CACNG2: variants seen among roughly 807,000 people sequenced by gnomAD.
CACNG2 encodes the protein voltage-dependent calcium channel gamma-2 subunit.
Under a neutral mutation model 25.9 loss-of-function variants are expected in CACNG2, and 3 were observed. The ratio of observed to expected loss-of-function variants is 0.12; its 90% confidence interval spans 0.05 to 0.30. The LOEUF is 0.30. CACNG2 is among the 10% of genes least tolerant of loss of function. The pLI is 1.00. For missense variants in CACNG2, 341 were observed against 432.5 expected, an observed-to-expected ratio of 0.79 and a Z score of 1.88; for synonymous variants, 167 against 173.3, an observed-to-expected ratio of 0.96 and a Z score of 0.29.
intron 1 of CACNG2, among the ~76,000 whole-genome samples, chr22:36,637,960 T>C (rs949446409): frequency 1.8e-4 from 27 of 151,528 alleles, no homozygotes; most frequent in African/African-American, 6.3e-4. Flanking sequence ...AGGTGGAGGT[T>C]GCAGTGAGCC....
intron 1 of CACNG2, among the ~76,000 whole-genome samples, chr22:36,621,577 A>T (rs992909330): frequency 6.6e-6 from 1 of 151,544 alleles, no homozygotes; most frequent in Non-Finnish European, 1.5e-5. Flanking sequence ...CTCAAAAAAA[A>T]AAAAAAGAAA....
chr22:36,645,863 G>T (rs1569039395), intron 1 of CACNG2, among the ~76,000 whole-genome samples: 2 of 152,180 alleles, frequency 1.3e-5, no homozygotes, highest in Admixed American at 1.3e-4. Context: ...AAGCAGCCAT[G>T]TGTATCCAAA....
intron 1 of CACNG2, among the ~76,000 whole-genome samples, chr22:36,687,186 C>T (rs1937212188): frequency 6.6e-6 from 1 of 152,144 alleles, no homozygotes; most frequent in African/African-American, 2.4e-5. Flanking sequence ...GAGTGGGGAG[C>T]GAGCAGGGGT....
intron 1 of CACNG2, among the ~76,000 whole-genome samples, chr22:36,688,615 C>T (rs889768920): frequency 2.0e-5 from 3 of 151,780 alleles, no homozygotes; most frequent in Admixed American, 6.6e-5. Context: ...AGTGGCTTTC[C>T]CAGATCTATG....
chr22:36,604,193 A>G (rs1935798004), intron 1 of CACNG2, among the ~76,000 whole-genome samples: 1 of 152,242 alleles, frequency 6.6e-6, no homozygotes, highest in Non-Finnish European at 1.5e-5. Context: ...TTCTGGAAAT[A>G]GGAAAACAGC....
At chr22:36,570,913 G>A (rs1368510860) in intron 2 of CACNG2, among the ~76,000 whole-genome samples, 1 of 152,116 alleles carries the variant, frequency 6.6e-6, no homozygotes, top group Non-Finnish European at 1.5e-5. Flanking sequence ...TTTCTTGAAG[G>A]AGGTATTTCT....
intron 1 of CACNG2, among the ~76,000 whole-genome samples, chr22:36,662,776 C>T (rs377508665): frequency 3.3e-5 from 5 of 152,172 alleles, no homozygotes; most frequent in African/African-American, 9.7e-5. Flanking sequence ...AACACTCTTT[C>T]GTTCAGTTTG....
chr22:36,670,234 A>G (rs1342150436), intron 1 of CACNG2, among the ~76,000 whole-genome samples: 1 of 152,218 alleles, frequency 6.6e-6, no homozygotes, highest in Non-Finnish European at 1.5e-5. Context: ...GGCAAATATG[A>G]AAAGAGAATT....
chr22:36,700,141 G>A (rs1025587668), intron 1 of CACNG2, among the ~76,000 whole-genome samples: 13 of 152,264 alleles, frequency 8.5e-5, no homozygotes, highest in Admixed American at 5.2e-4. Context: ...GTGCCTGTGC[G>A]CATCGCACAA....
chr22:36,568,800 T>A (rs1026494504), intron 2 of CACNG2, among the ~76,000 whole-genome samples: 2 of 151,778 alleles, frequency 1.3e-5, no homozygotes, highest in African/African-American at 4.8e-5. Context: ...GTGAGTGGGT[T>A]ATTTGGGGGG....
At chr22:36,664,141 G>A (rs1286056093) in intron 1 of CACNG2, among the ~76,000 whole-genome samples, 1 of 146,436 alleles carries the variant, frequency 6.8e-6, no homozygotes, top group Non-Finnish European at 1.5e-5. Context: ...CTGACTTAGT[G>A]AGTCAGGAAT....
intron 1 of CACNG2, among the ~76,000 whole-genome samples, chr22:36,637,520 C>A (rs112824995): frequency 1.1e-3 from 163 of 152,182 alleles, no homozygotes; most frequent in Middle Eastern, 0.01. Context: ...GTCGGGCTCT[C>A]GGTATCTGGA....
intron 1 of CACNG2, among the ~76,000 whole-genome samples, chr22:36,672,113 G>T (rs1353543297): frequency 6.6e-6 from 1 of 152,092 alleles, no homozygotes; most frequent in African/African-American, 2.4e-5. Context: ...TAGCTACACA[G>T]ATTGGGAAGC....
At chr22:36,639,041 G>A (rs7288956) in intron 1 of CACNG2, among the ~76,000 whole-genome samples, 3,721 of 152,244 alleles carry the variant, frequency 0.024, 155 homozygotes, top group African/African-American at 0.086. Flanking sequence ...CTCAGCCGGC[G>A]GAGGGGTAGA....
At chr22:36,567,721 A>AT (rs201464881) in intron 2 of CACNG2, among the ~76,000 whole-genome samples, 27 of 149,808 alleles carry the variant, frequency 1.8e-4, no homozygotes, top group Non-Finnish European at 2.8e-4. Flanking sequence ...GAAGTAAAAC[A>AT]TTTTTTTTTT....
intron 1 of CACNG2, among the ~76,000 whole-genome samples, chr22:36,642,467 T>C (rs41310250): frequency 0.06 from 9,190 of 152,224 alleles, 557 homozygotes; most frequent in African/African-American, 0.16. Context: ...ATTTCCTCAT[T>C]AGATACATGG....
chr22:36,616,504 C>A (rs138606709), intron 1 of CACNG2, among the ~76,000 whole-genome samples: 41 of 152,278 alleles, frequency 2.7e-4, no homozygotes, highest in African/African-American at 9.4e-4. Context: ...GTCTCCCCAG[C>A]GAGAGTGTAA....
intron 1 of CACNG2, among the ~76,000 whole-genome samples, chr22:36,662,703 A>G (rs6519029): frequency 0.1 from 15,577 of 152,118 alleles, 2,639 homozygotes; most frequent in African/African-American, 0.36. Context: ...CACCTACATA[A>G]TAATCGCGGA....
chr22:36,598,992 T>G lies in CACNG2; in HGVS notation c.212-11444A>C, dbSNP rs1935716252. 2.6e-5 allele frequency among the ~76,000 whole-genome samples: 4 copies of G among 152,134 alleles called. No individual in the cohort carries two copies. In the South Asian group the frequency reaches 6.2e-4, roughly 24 times the overall value. On this transcript the variant is annotated intron_variant, in intron 1 of 3. Coordinates refer to ENST00000300105, the MANE Select transcript of CACNG2 (RefSeq NM_006078.5). ...GACCCTGCCCCCAATCCAAATCTAT[T>G]TGAATATATCAAAACATACGTATAG... is the stretch of plus-strand genomic sequence containing the variant.
Sources: allele counts gnomAD v4.1 joint callset (sites outside exome capture counted in the v4.1 genomes callset), GRCh38; gene constraint gnomAD v4.1.1; transcripts MANE v1.5; gene names NCBI Gene and HGNC (gene_info 2026-07-23, HGNC 2026-07-21).